The following FGF13 variants were observed in gnomAD, a reference collection of about 807,000 sequenced individuals.
The protein encoded by FGF13 is fibroblast growth factor homologous factor 2.
A neutral mutation model predicts 19.5 loss-of-function variants in FGF13; 2 were observed. That is an observed-to-expected ratio of 0.10 (90% confidence interval 0.04 to 0.32). FGF13 has a LOEUF of 0.32. FGF13 is among the 10% of genes least tolerant of loss of function. The pLI, the probability that FGF13 is intolerant of heterozygous loss-of-function variation, is 1.00. For missense variants in FGF13, 113 were observed against 192.7 expected (o/e 0.59, Z 2.45); for synonymous variants, 72 against 76.9 (o/e 0.94, Z 0.33).
At chrX:138,954,502 GA>G (rs2091831444) in intron 1 of FGF13, among the ~76,000 whole-genome samples, 1 of 111,384 alleles carries the variant, frequency 9.0e-6, no homozygotes, top group African/African-American at 3.3e-5. Flanking sequence ...TAAAATTAGG[GA>G]AAATATTAAT....
chrX:138,829,335 G>C (rs961087379), intron 3 of FGF13, among the ~76,000 whole-genome samples: 1 of 111,075 alleles, frequency 9.0e-6, no homozygotes, highest in Admixed American at 9.6e-5. Flanking sequence ...GCTGTCCCTG[G>C]GGGGTGAGTT....
rs1040796061 is a variant in FGF13, at chrX:138,616,546, T to C, written c.*16304A>G. The C allele has an allele frequency of 8.9e-6, 1 of 112,283 alleles. No homozygotes were observed. The highest frequency in any genetic ancestry group is 1.9e-5 in the Non-Finnish European group (1 of 53,272). 9.3% of individuals were successfully genotyped at this position (112,283 alleles called of 1,213,427 possible). The stretch of plus-strand genomic sequence containing the variant: ...AGTGCCAGTGGCTTTTCCAGGTGCA[T>C]GGTGCAAGCTATTGGTGGATCTACC... On this transcript the variant is annotated 3_prime_UTR_variant, in exon 5 of 5. Coordinates refer to ENST00000315930, the MANE Select transcript of FGF13 (RefSeq NM_004114.5).
chrX:139,161,899 AGAGGACACGAATG>A lies in FGF13; in HGVS notation c.-113+41504_-113+41516del, dbSNP rs776993275. ...ACAAACCACTGCTCAAGGAAATAAG[AGAGGACACGAATG>A]GAAAAACATTCCATGCTCATGGATA... On this transcript the variant is annotated intron_variant, in intron 1 of 2. Coordinates refer to the FGF13 transcript ENST00000421460. 5.4e-5 allele frequency among the ~76,000 whole-genome samples: 6 copies of A among 111,954 alleles called. No individual in the cohort carries two copies. In the South Asian group the frequency reaches 1.9e-3, roughly 35 times the overall value.
At position 138,628,794 on chromosome X, in the gene FGF13, T is replaced by G. The variant is rs1037001849; in HGVS notation, c.*4056A>C. 8 of 111,652 alleles carry G rather than the reference T, an allele frequency of 7.2e-5. No individual in the cohort carries two copies. The highest frequency in any genetic ancestry group is 2.6e-4 in the African/African-American group (8 of 30,737). 9.2% of individuals were successfully genotyped at this position (111,652 alleles called of 1,213,427 possible). A position where few individuals can be genotyped will look rare whatever the true frequency, so the allele number is the denominator to read the frequency against. The stretch of plus-strand genomic sequence containing the variant: ...TTGACTGGCTTAAAACTGGAACAAA[T>G]GTACTGGTTAGGGAGGGGAGGAGTG... On this transcript the variant is annotated 3_prime_UTR_variant, in exon 5 of 5. Transcript: ENST00000315930.
chrX:138,912,867 G>T (rs570644140), intron 1 of FGF13, among the ~76,000 whole-genome samples: 6 of 111,527 alleles, frequency 5.4e-5, no homozygotes, highest in Middle Eastern at 4.6e-3. Context: ...CAGGGAAAAT[G>T]AACCCCTTTA....
intron 3 of FGF13, among the ~76,000 whole-genome samples, chrX:138,804,343 C>T (rs1052297493): frequency 9.0e-6 from 1 of 111,611 alleles, no homozygotes; most frequent in African/African-American, 3.3e-5. Flanking sequence ...TCAGAAAATG[C>T]TCTCTATCTC....
chrX:138,830,114 T>A (rs1410517641), intron 3 of FGF13, among the ~76,000 whole-genome samples: 1 of 112,334 alleles, frequency 8.9e-6, no homozygotes, highest in Non-Finnish European at 1.9e-5. Context: ...AAGACGGGAA[T>A]GTTGTTATAA....
chrX:138,900,579 T>C (rs187782611), intron 1 of FGF13, among the ~76,000 whole-genome samples: 2 of 111,553 alleles, frequency 1.8e-5, no homozygotes, highest in African/African-American at 6.5e-5. Flanking sequence ...TAGATTCTAA[T>C]AGCTTCCCAA....
intron 3 of FGF13, among the ~76,000 whole-genome samples, chrX:138,810,446 A>C (rs1484257527): frequency 8.9e-6 from 1 of 111,792 alleles, no homozygotes; most frequent in African/African-American, 3.3e-5. Flanking sequence ...AATTAATTCA[A>C]GATGGATTAA....
chrX:138,815,780 AAAG>A (rs1396429437), intron 3 of FGF13, among the ~76,000 whole-genome samples: 5 of 111,098 alleles, frequency 4.5e-5, no homozygotes, highest in East Asian at 2.8e-4. Context: ...TTTAAAAAAA[AAAG>A]AAGAAAAAAA....
At chrX:138,926,413 T>A (rs1312715674) in intron 1 of FGF13, among the ~76,000 whole-genome samples, 2 of 111,740 alleles carry the variant, frequency 1.8e-5, no homozygotes, top group Non-Finnish European at 3.8e-5. Context: ...TAATTAAAAG[T>A]ATGGTATAAT....
intron 3 of FGF13, among the ~76,000 whole-genome samples, chrX:138,766,478 T>C (rs2090503349): frequency 8.9e-6 from 1 of 112,102 alleles, no homozygotes; most frequent in South Asian, 3.7e-4. Context: ...CCTGCTGACA[T>C]GATTTCAGTG....
chrX:138,618,566 G>A lies in FGF13; in HGVS notation c.*14284C>T, dbSNP rs1303976339. ...GGAGGCCCACCCACTAGTGGCTTGGGATGCCTGAACTGTAAACCCCCGAAG... is the reference window on the plus strand; with the variant it reads ...GGAGGCCCACCCACTAGTGGCTTGGAATGCCTGAACTGTAAACCCCCGAAG... On this transcript the variant is annotated 3_prime_UTR_variant, in exon 5 of 5. Transcript: ENST00000315930. 2.7e-5 allele frequency: 3 copies of A among 111,600 alleles called. No homozygotes were observed. Among genetic ancestry groups the A allele is most frequent in the Non-Finnish European group, 5.6e-5 (3 of 53,222 alleles). The allele number at this position is 111,600 out of a possible 1,213,427, so 9.2% of individuals were successfully genotyped here. A position where few individuals can be genotyped will look rare whatever the true frequency, so the allele number is the denominator to read the frequency against.
At chrX:138,640,857 C>A in intron 3 of FGF13, among the ~76,000 whole-genome samples, 1 of 111,760 alleles carries the variant, frequency 8.9e-6, no homozygotes, top group Non-Finnish European at 1.9e-5. Context: ...TAGGGTGGCA[C>A]TGTTTCATGT....
At chrX:139,146,273 G>GA (rs1402631402) in intron 1 of FGF13, among the ~76,000 whole-genome samples, 5 of 111,792 alleles carry the variant, frequency 4.5e-5, no homozygotes, top group African/African-American at 6.5e-5. Context: ...AAATTTACAA[G>GA]AAAAAATCAA....
intron 1 of FGF13, among the ~76,000 whole-genome samples, chrX:138,952,812 A>C (rs1201730322): frequency 5.4e-5 from 6 of 111,538 alleles, no homozygotes; most frequent in Non-Finnish European, 7.5e-5. Flanking sequence ...ATGCAGCCAA[A>C]AGACACATGA....
intron 1 of FGF13, among the ~76,000 whole-genome samples, chrX:139,180,874 C>A (rs1034499629): frequency 3.6e-5 from 4 of 111,986 alleles, no homozygotes; most frequent in African/African-American, 1.3e-4. Flanking sequence ...CCATTCAGTT[C>A]AATAGTTATC....
intron 1 of FGF13, among the ~76,000 whole-genome samples, chrX:139,043,292 AC>A (rs1357130277): frequency 9.1e-6 from 1 of 109,868 alleles, no homozygotes; most frequent in Non-Finnish European, 1.9e-5. Flanking sequence ...GCTCACTGCA[AC>A]CCCCGCCTCC....
chrX:139,116,063 C>T (rs1050348092), intron 1 of FGF13, among the ~76,000 whole-genome samples: 1 of 112,075 alleles, frequency 8.9e-6, no homozygotes, highest in Non-Finnish European at 1.9e-5. Flanking sequence ...TTATTGAGCA[C>T]CTACTAGGCG....
Sources: allele counts gnomAD v4.1 joint callset (sites outside exome capture counted in the v4.1 genomes callset), GRCh38; gene constraint gnomAD v4.1.1; transcripts MANE v1.5; gene names NCBI Gene and HGNC (gene_info 2026-07-23, HGNC 2026-07-21).